The following TPO variants were observed in gnomAD, a reference collection of about 807,000 sequenced individuals.
TPO encodes the protein thyroid peroxidase.
In TPO, 78 loss-of-function variants were observed where a neutral mutation model predicts 96.9. The ratio of observed to expected loss-of-function variants is 0.81; its 90% CI spans 0.67 to 0.97. TPO has a LOEUF of 0.97. Ranked by LOEUF, TPO falls within the 50% of genes least tolerant of loss-of-function variation. TPO has a pLI of 0.00. For missense variants in TPO, 1,252 were observed against 1,274.8 expected (o/e 0.98, Z 0.27); for synonymous variants, 547 against 538.0 (o/e 1.02, Z -0.23).
intron 3 of TPO, among the ~76,000 whole-genome samples, chr2:1,428,476 G>T (rs1009555977): frequency 6.6e-6 from 1 of 152,208 alleles, no homozygotes; most frequent in Non-Finnish European, 1.5e-5. Flanking sequence ...ATGGCCTGGG[G>T]ACCTATCCGG....
upstream of TPO, among the ~76,000 whole-genome samples, chr2:1,409,070 G>A (rs563414128): frequency 6.6e-6 from 1 of 152,284 alleles, no homozygotes; most frequent in Non-Finnish European, 1.5e-5. Context: ...CATGAGAGGA[G>A]CTTCGCACAG....
At chr2:1,532,112 C>T (rs1216409766) in intron 15 of TPO, among the ~76,000 whole-genome samples, 1 of 101,940 alleles carries the variant, frequency 9.8e-6, no homozygotes, top group Admixed American at 1.1e-4. Context: ...CCCCACAAAT[C>T]CCCCCACTGT....
In TPO at chr2:1,477,158, A is replaced by C. The variant is rs1169984780; in HGVS notation, c.892A>C (p.Thr298Pro). The part of the protein sequence containing the change: ...PFYRSSAACG[T>P]GDQGALFGNL... ...CTACCGCTCTTCGGCCGCCTGCGGC[A>C]CCGGGGACCAAGGCGCGCTCTTTGG... Residue 298 changes from threonine (T) to proline (P), a missense_variant, in exon 8 of 17, where the codon ACC becomes CCC. Coordinates refer to ENST00000329066, the MANE Select transcript of TPO (RefSeq NM_001206744.2). 3 of 1,610,040 alleles carry C rather than the reference A, an allele frequency of 1.9e-6. No homozygotes were observed. Among genetic ancestry groups the C allele is most frequent in the Non-Finnish European group, 2.5e-6 (3 of 1,179,050 alleles).
chr2:1,407,923 T>G (rs1423875145), intron 1 of TPO, among the ~76,000 whole-genome samples: 3 of 152,252 alleles, frequency 2.0e-5, no homozygotes, highest in Non-Finnish European at 4.4e-5. Context: ...ATTCCATCTT[T>G]TATTCTAATG....
At chr2:1,376,164 C>A (rs1661718942) in intron 1 of TPO, among the ~76,000 whole-genome samples, 1 of 152,164 alleles carries the variant, frequency 6.6e-6, no homozygotes, top group South Asian at 2.1e-4. Flanking sequence ...CATTGTAGAG[C>A]TAATGGGTAT....
In TPO at chr2:1,383,903, A is replaced by G. The variant is rs142912968; in HGVS notation, n.180+9501A>G. 7.7e-3 allele frequency among the ~76,000 whole-genome samples: 1,178 copies of G among 152,308 alleles called. 21 individuals carry two copies. Among genetic ancestry groups the G allele is most frequent in the African/African-American group, 0.027 (1,123 of 41,558 alleles). ...TTGAATTAACTTTTGTATAATGTGT[A>G]AGGAAAGGATCCAGTTTCAGCTTTC... On this transcript the variant is annotated intron_variant and non_coding_transcript_variant, in intron 1 of 5. Coordinates refer to the TPO transcript ENST00000497517.
chr2:1,478,997 G>C (rs1263471483), intron 8 of TPO, among the ~76,000 whole-genome samples: 2 of 152,262 alleles, frequency 1.3e-5, no homozygotes, highest in African/African-American at 4.8e-5. Flanking sequence ...TTATGTGGGT[G>C]AGAAGATCGA....
intron 5 of TPO, among the ~76,000 whole-genome samples, chr2:1,453,099 A>G (rs1293726563): frequency 2.0e-5 from 3 of 152,178 alleles, no homozygotes; most frequent in Admixed American, 6.5e-5. Flanking sequence ...TCTCTCTCTC[A>G]GGAGAGACTT....
rs150558365 is a variant in TPO, at chr2:1,437,400, G to A, written c.482+1016G>A. On this transcript the variant is annotated intron_variant, in intron 5 of 16. Coordinates refer to ENST00000329066, the MANE Select transcript of TPO (RefSeq NM_001206744.2). ...CTTAGCATGGAAGAACTCCTCAAAG[G>A]GACTCGAGCTCCTCACTGCTGGGTG... Among the ~76,000 whole-genome samples the A allele has an allele frequency of 1.6e-3, 237 of 152,270 alleles. 1 individual carries two copies. The highest frequency in any genetic ancestry group is 2.4e-3 in the Non-Finnish European group (162 of 68,024).
intron 15 of TPO, among the ~76,000 whole-genome samples, chr2:1,538,084 AAATCCTCCCCACT>A (rs1680272752): frequency 1.3e-5 from 1 of 79,824 alleles, no homozygotes. Flanking sequence ...CAGCCTCCTC[AAATCCTCCCCACT>A]GTGTGCAACC....
chr2:1,421,957 C>T (rs1314726454), intron 2 of TPO, among the ~76,000 whole-genome samples: 1 of 152,196 alleles, frequency 6.6e-6, no homozygotes, highest in Non-Finnish European at 1.5e-5. Flanking sequence ...TGGGGGTCCC[C>T]GGCGAGCTGT....
intron 15 of TPO, among the ~76,000 whole-genome samples, chr2:1,524,080 TGTGCAACCTCACCAAATTCCCCCCACTCC>T (rs1420596528): frequency 3.5e-4 from 42 of 119,572 alleles, no homozygotes; most frequent in African/African-American, 1.3e-3. Context: ...CCTGCCACTG[TGTGCAACCTCACCAAATTCCCCCCACTCC>T]GTGCAACCTC....
intron 15 of TPO, among the ~76,000 whole-genome samples, chr2:1,531,402 C>G (rs1310295389): frequency 1.7e-5 from 1 of 58,114 alleles, no homozygotes; most frequent in Non-Finnish European, 2.8e-5. Flanking sequence ...ATTGCCCCCA[C>G]TGTGTTCAAC....
At chr2:1,505,863 A>G (rs1218738849) in intron 14 of TPO, among the ~76,000 whole-genome samples, 1 of 118,680 alleles carries the variant, frequency 8.4e-6, no homozygotes, top group African/African-American at 3.3e-5. Flanking sequence ...TTTTTTTTTT[A>G]GTTTTATTAT....
At chr2:1,439,838 T>C (rs1665966778) in intron 5 of TPO, among the ~76,000 whole-genome samples, 1 of 152,166 alleles carries the variant, frequency 6.6e-6, no homozygotes, top group Non-Finnish European at 1.5e-5. Flanking sequence ...GTCCCCTGCC[T>C]TGAGGGATGT....
chr2:1,496,484 G>A (rs1346410602), intron 12 of TPO, 111 bp from the exon 13 acceptor site: 17 of 1,479,176 alleles, frequency 1.1e-5, no homozygotes, highest in South Asian at 3.5e-5. Context: ...AGGGCTCCCC[G>A]GCCCTGGCAC....
intron 2 of TPO, among the ~76,000 whole-genome samples, chr2:1,418,299 A>AAAG (rs1663142911): frequency 4.1e-5 from 6 of 146,350 alleles, no homozygotes; most frequent in African/African-American, 1.6e-4. Context: ...AAAAAAAAAA[A>AAAG]AGAGAGAGAG....
At chr2:1,447,712 G>A (rs13406835) in intron 5 of TPO, among the ~76,000 whole-genome samples, 2 of 152,146 alleles carry the variant, frequency 1.3e-5, no homozygotes, top group African/African-American at 4.8e-5. Flanking sequence ...TCTATATAGA[G>A]GGGTGTGTGT....
intron 1 of TPO, among the ~76,000 whole-genome samples, chr2:1,378,029 G>A (rs1035317518): frequency 6.6e-6 from 1 of 152,200 alleles, no homozygotes; most frequent in Non-Finnish European, 1.5e-5. Flanking sequence ...CACAAGATCT[G>A]ATGGTTTTAT....
Sources: allele counts gnomAD v4.1 joint callset (sites outside exome capture counted in the v4.1 genomes callset), GRCh38; gene constraint gnomAD v4.1.1; transcripts MANE v1.5; gene names NCBI Gene and HGNC (gene_info 2026-07-23, HGNC 2026-07-21).